The following AKR1D1 variants were observed in gnomAD, a reference collection of about 807,000 sequenced individuals.
The protein encoded by AKR1D1 is delta(4)-3-ketosteroid 5-beta-reductase.
In AKR1D1, 32 loss-of-function variants were observed where a neutral mutation model predicts 42.6. That is an observed-to-expected ratio of 0.75 (90% CI 0.57 to 1.01). The LOEUF (loss-of-function observed/expected upper bound fraction) is 1.01. Ranked by LOEUF, AKR1D1 falls within the 50% of genes least tolerant of loss-of-function variation. AKR1D1 has a pLI of 0.00. For missense variants in AKR1D1, 364 were observed against 402.2 expected (o/e 0.91, Z 0.81); for synonymous variants, 123 against 135.5 (o/e 0.91, Z 0.64).
chr7:138,109,482 C>T (rs1003474929), intron 7 of AKR1D1, among the ~76,000 whole-genome samples: 11 of 152,130 alleles, frequency 7.2e-5, no homozygotes, highest in African/African-American at 2.7e-4. Flanking sequence ...ATCAGGGTCT[C>T]TATCAATCCC....
chr7:138,090,802 G>C (rs1156778794), intron 2 of AKR1D1, among the ~76,000 whole-genome samples: 1 of 152,186 alleles, frequency 6.6e-6, no homozygotes, highest in Admixed American at 6.5e-5. Flanking sequence ...ACATGCTCCA[G>C]TAGGATCAAC....
chr7:138,114,676 A>G (rs1794600112), intron 8 of AKR1D1, among the ~76,000 whole-genome samples: 1 of 151,566 alleles, frequency 6.6e-6, no homozygotes, highest in African/African-American at 2.4e-5. Flanking sequence ...AAAAAAAAAA[A>G]AAAGAATATA....
At chr7:138,091,947 T>G in intron 3 of AKR1D1, 63 bp downstream of exon 3, 1 of 922,416 alleles carries the variant, frequency 1.1e-6, no homozygotes, top group Non-Finnish European at 1.8e-6. Flanking sequence ...AATAGCTATG[T>G]GCATGAAGCT....
intron 7 of AKR1D1, among the ~76,000 whole-genome samples, chr7:138,110,856 T>C (rs1321562515): frequency 6.6e-6 from 1 of 152,078 alleles, no homozygotes; most frequent in East Asian, 1.9e-4. Flanking sequence ...AGTTAAAATT[T>C]TAAAAAAAAG....
At chr7:138,115,911 G>C (rs1413901634) in intron 8 of AKR1D1, among the ~76,000 whole-genome samples, 1 of 152,122 alleles carries the variant, frequency 6.6e-6, no homozygotes, top group Admixed American at 6.5e-5. Flanking sequence ...ACACGCAGGA[G>C]GTCTAGTGAG....
At chr7:138,091,031 G>A (rs376533044) in intron 2 of AKR1D1, among the ~76,000 whole-genome samples, 19 of 152,152 alleles carry the variant, frequency 1.2e-4, no homozygotes, top group African/African-American at 4.6e-4. Context: ...TTATCAGAGT[G>A]GCATGACAAT....
intron 1 of AKR1D1, among the ~76,000 whole-genome samples, chr7:138,082,402 C>G (rs1484722258): frequency 6.6e-6 from 1 of 151,524 alleles, no homozygotes; most frequent in East Asian, 1.9e-4. Flanking sequence ...GGGTCTTCTT[C>G]TGTCACCCAG....
Position 138,076,598 on chromosome 7 carries a change from C to G in AKR1D1, c.80C>G (p.Ser27Ter). Residue 27 changes from serine to a stop codon, truncating the protein, a stop_gained, in exon 1 of 9, where the codon TCA becomes TGA. Coordinates refer to ENST00000242375, the MANE Select transcript of AKR1D1 (RefSeq NM_005989.4). LOFTEE classifies it high-confidence loss of function. ...SIPIIGLGTY[S>*]EPKSTPKGAC... is the part of the protein sequence containing the mutation. ...CCCATCATCGGACTTGGTACCTACT[C>G]AGAACCTAAATCGGTAAGCTTATTT... The G allele has an allele frequency of 6.2e-7, 1 of 1,612,594 alleles. No individual in the cohort carries two copies. Among genetic ancestry groups the G allele is most frequent in the Non-Finnish European group, 8.5e-7 (1 of 1,178,996 alleles).
chr7:138,114,555 G>A (rs1449706380), intron 8 of AKR1D1, among the ~76,000 whole-genome samples: 1 of 151,100 alleles, frequency 6.6e-6, no homozygotes, highest in Non-Finnish European at 1.5e-5. Flanking sequence ...AGCTACTCAG[G>A]AGGCTGAGGC....
At chr7:138,109,841 TAG>T (rs1794503229) in intron 7 of AKR1D1, among the ~76,000 whole-genome samples, 1 of 152,184 alleles carries the variant, frequency 6.6e-6, no homozygotes, top group South Asian at 2.1e-4. Flanking sequence ...TCAAAAATTA[TAG>T]GAGTGTTACA....
intron 1 of AKR1D1, among the ~76,000 whole-genome samples, 166 bp from the exon 2 acceptor site, chr7:138,088,435 T>A (rs747563704): frequency 3.3e-5 from 5 of 151,994 alleles, no homozygotes; most frequent in Admixed American, 6.6e-5. Flanking sequence ...CCCTGGGAGG[T>A]CAGTTTCTCC....
chr7:138,100,110 AAAAAAAAAC>A (rs1191829127), intron 4 of AKR1D1, among the ~76,000 whole-genome samples: 2 of 149,022 alleles, frequency 1.3e-5, no homozygotes, highest in African/African-American at 2.5e-5. Flanking sequence ...AAAAAAAAAA[AAAAAAAAAC>A]ATAAAGAGAA....
intron 7 of AKR1D1, among the ~76,000 whole-genome samples, chr7:138,110,488 C>T (rs944047279): frequency 6.6e-6 from 1 of 152,104 alleles, no homozygotes; most frequent in East Asian, 1.9e-4. Context: ...TGCGGTGGCT[C>T]ACTCCTCTAA....
At chr7:138,090,641 AAAAAAAAAAAAG>A (rs1192801697) in intron 2 of AKR1D1, among the ~76,000 whole-genome samples, 2 of 151,502 alleles carry the variant, frequency 1.3e-5, no homozygotes, top group Middle Eastern at 3.4e-3. Context: ...CGTCTCAAAA[AAAAAAAAAAAAG>A]AAAAAAGAAA....
intron 8 of AKR1D1, among the ~76,000 whole-genome samples, chr7:138,114,002 G>A (rs1206022635): frequency 6.6e-6 from 1 of 152,210 alleles, no homozygotes; most frequent in Non-Finnish European, 1.5e-5. Flanking sequence ...GACATTTTGT[G>A]ACTTCGGTGA....
At chr7:138,083,480 G>C (rs1488965563) in intron 1 of AKR1D1, among the ~76,000 whole-genome samples, 1 of 151,936 alleles carries the variant, frequency 6.6e-6, no homozygotes, top group Non-Finnish European at 1.5e-5. Flanking sequence ...TTATATCTTG[G>C]ATATTAACCC....
chr7:138,113,627 T>C (rs1197529138), intron 7 of AKR1D1, 63 bp from the exon 8 acceptor site: 6 of 1,376,246 alleles, frequency 4.4e-6, no homozygotes, highest in Non-Finnish European at 6.2e-6. Context: ...CTCCCACCGG[T>C]GGCCCCACTT....
chr7:138,104,732 A>C (rs1459819828), intron 4 of AKR1D1, among the ~76,000 whole-genome samples: 3 of 151,130 alleles, frequency 2.0e-5, no homozygotes, highest in Non-Finnish European at 4.4e-5. Context: ...AAAAGTACCC[A>C]AAAATTTCAA....
intron 1 of AKR1D1, among the ~76,000 whole-genome samples, chr7:138,085,548 G>T (rs1329526109): frequency 2.0e-5 from 3 of 150,158 alleles, no homozygotes; most frequent in Non-Finnish European, 4.4e-5. Flanking sequence ...AGGTTCAAGA[G>T]ATTCCCCTGC....
Sources: allele counts gnomAD v4.1 joint callset (sites outside exome capture counted in the v4.1 genomes callset), GRCh38; gene constraint gnomAD v4.1.1; transcripts MANE v1.5; gene names NCBI Gene and HGNC (gene_info 2026-07-23, HGNC 2026-07-21).